ZNF585B: variants seen among roughly 807,000 people sequenced by gnomAD.
The protein encoded by ZNF585B is zinc finger protein 41-like protein.
A neutral mutation model predicts 14.0 loss-of-function variants in ZNF585B; 7 were observed. That is an observed-to-expected ratio of 0.50 (90% CI 0.28 to 0.94). ZNF585B has a LOEUF of 0.94. Among genes scored for constraint, ZNF585B ranks in the 40% least tolerant of loss-of-function variants. The probability of loss-of-function intolerance (pLI) is 0.09; values close to 1 mark genes in which losing one functional copy is unlikely to be tolerated. For missense variants in ZNF585B, 750 were observed against 924.4 expected (o/e 0.81, Z 2.45); for synonymous variants, 290 against 317.3 (o/e 0.91, Z 0.91).
chr19:37,206,285 C>T (rs1972586338), intron 2 of ZNF585B, among the ~76,000 whole-genome samples: 1 of 151,684 alleles, frequency 6.6e-6, no homozygotes, highest in Admixed American at 6.6e-5. Context: ...AACCCCGTCT[C>T]TACTAAAAAT....
At chr19:37,196,352 A>T (rs1050988004) in intron 2 of ZNF585B, among the ~76,000 whole-genome samples, 21 of 152,348 alleles carry the variant, frequency 1.4e-4, no homozygotes, top group African/African-American at 4.1e-4. Context: ...AAAAAGTTTT[A>T]AAAAATATAC....
intron 2 of ZNF585B, chr19:37,198,935 C>A: frequency 6.9e-7 from 1 of 1,443,756 alleles, no homozygotes. Context: ...TTTTTGAAAG[C>A]TACCTTGTTG....
At position 37,183,511 on chromosome 19, in the gene ZNF585B, G is replaced by T. The variant is rs1473494016; in HGVS notation, c.*1716C>A. 3 of 152,212 alleles carry T rather than the reference G, an allele frequency of 2.0e-5. No individual in the cohort carries two copies. The highest frequency in any genetic ancestry group is 6.5e-5 in the Admixed American group (1 of 15,268). The allele number at this position is 152,212 out of a possible 1,614,324, so 9.4% of individuals were successfully genotyped here. A position where few individuals can be genotyped will look rare whatever the true frequency, so the allele number is the denominator to read the frequency against. On this transcript the variant is annotated 3_prime_UTR_variant, in exon 5 of 5. Coordinates refer to ENST00000532828, the MANE Select transcript of ZNF585B (RefSeq NM_152279.4). ...GGAAAATACACCAGGCAGCATGGTG[G>T]AAATTGCTAGGGAGAAGAATAAAGG...
At chr19:37,194,260 A>C (rs1972435669) in intron 2 of ZNF585B, among the ~76,000 whole-genome samples, 1 of 152,176 alleles carries the variant, frequency 6.6e-6, no homozygotes, top group Non-Finnish European at 1.5e-5. Flanking sequence ...CCAAATAAAA[A>C]ATCTAATTTG....
chr19:37,193,495 A>G lies in ZNF585B; in HGVS notation c.73-3345T>C, dbSNP rs371595743. Among the ~76,000 whole-genome samples the G allele has an allele frequency of 2.1e-4, 31 of 150,714 alleles. No homozygotes were observed. The East Asian group carries it at 5.7e-3, about 28-fold the overall frequency. Reference sequence around the variant, plus strand: ...CAAAAAAAAAAAAAAAAAGAGAACTAAGGCCAGGGCAGGGGCTCACGCCTA... The same window carrying G: ...CAAAAAAAAAAAAAAAAAGAGAACTGAGGCCAGGGCAGGGGCTCACGCCTA... On this transcript the variant is annotated intron_variant, in intron 2 of 4. Transcript: ENST00000532828.
Position 37,185,510 on chromosome 19 carries a change from T to G in ZNF585B, c.2027A>C (p.Glu676Ala), listed in dbSNP as rs1972322911. The G allele has an allele frequency of 6.2e-7, 1 of 1,612,828 alleles. No homozygotes were observed. Among genetic ancestry groups the G allele is most frequent in the Admixed American group, 1.7e-5 (1 of 59,896 alleles). The change falls in exon 5 of 5, where the codon GAG becomes GCG. Residue 676 changes from glutamate (E) to alanine (A), a missense_variant. Physicochemically the swap from Glu to Ala is moderately radical, Grantham distance 107 (BLOSUM62 -1). Around this residue, in one of 2 missense-constraint regions of ZNF585B, gnomAD observed 233 missense variants for 354.1 expected, o/e 0.66. Coordinates refer to ENST00000532828, the MANE Select transcript of ZNF585B (RefSeq NM_152279.4). ...ECGKTFRQKSELITHHRIHTG... is the reference protein window; with the variant it reads ...ECGKTFRQKSALITHHRIHTG... Reference sequence around the variant, plus strand: ...ATGAATTCTGTGATGTGTAATCAACTCTGACTTCTGTCGAAAGGTCTTCCC... The same window carrying G: ...ATGAATTCTGTGATGTGTAATCAACGCTGACTTCTGTCGAAAGGTCTTCCC...
intron 2 of ZNF585B, among the ~76,000 whole-genome samples, chr19:37,193,150 C>CA (rs888624270): frequency 1.8e-4 from 26 of 147,720 alleles, no homozygotes; most frequent in Middle Eastern, 3.6e-3. Flanking sequence ...CAAAACAAAA[C>CA]AAAAAAAAAC....
At chr19:37,189,184 C>A (rs1172487927) in intron 4 of ZNF585B, among the ~76,000 whole-genome samples, 3 of 152,036 alleles carry the variant, frequency 2.0e-5, no homozygotes, top group Non-Finnish European at 4.4e-5. Context: ...GAGATACACC[C>A]ACCTTGGCCT....
chr19:37,192,068 T>C lies in ZNF585B; in HGVS notation c.73-1918A>G, dbSNP rs151031736. 7.7e-3 allele frequency among the ~76,000 whole-genome samples: 1,178 copies of C among 152,162 alleles called. 21 individuals carry two copies. The highest frequency in any genetic ancestry group is 0.027 in the African/African-American group (1,132 of 41,518). On this transcript the variant is annotated intron_variant, in intron 2 of 4. Coordinates refer to ENST00000532828, the MANE Select transcript of ZNF585B (RefSeq NM_152279.4). ...AAGAAAGAAATAGGCTGCCTTTTAG[T>C]CTTCTAGCACATGGATGAACAACCT...
Position 37,186,259 on chromosome 19 carries a change from A to C in ZNF585B, c.1278T>G (p.Ile426Met). 4 of 1,614,202 alleles carry C rather than the reference A, an allele frequency of 2.5e-6. No homozygotes were observed. Among genetic ancestry groups the C allele is most frequent in the Non-Finnish European group, 3.4e-6 (4 of 1,180,028 alleles). The change falls in exon 5 of 5, where the codon ATT (isoleucine) becomes ATG (methionine). Residue 426 changes from isoleucine to methionine, a missense_variant. Physicochemically the swap from Ile to Met is conservative, Grantham distance 10. This residue lies in a region of ZNF585B where 517 missense variants were observed against 570.3 expected (regional missense o/e 0.91). Transcript: ENST00000532828. ...GLAFIRKAHL[I>M]THQIIHTGEK... ...CTCCAGTATGAATTATTTGATGTGTAATCAAGTGTGCCTTCCGGATGAAGG... is the reference window on the plus strand; with the variant it reads ...CTCCAGTATGAATTATTTGATGTGTCATCAAGTGTGCCTTCCGGATGAAGG...
At chr19:37,197,627 T>A (rs1972481494) in intron 2 of ZNF585B, among the ~76,000 whole-genome samples, 1 of 152,178 alleles carries the variant, frequency 6.6e-6, no homozygotes, top group African/African-American at 2.4e-5. Context: ...TTTCTCCACA[T>A]CCTCTCCAGC....
chr19:37,203,123 C>T (rs1216478636), intron 2 of ZNF585B, among the ~76,000 whole-genome samples: 2 of 151,948 alleles, frequency 1.3e-5, no homozygotes, highest in Non-Finnish European at 2.9e-5. Flanking sequence ...ATTTTTTGTT[C>T]TCTGTGACTC....
At chr19:37,201,172 A>C (rs1349709883) in intron 2 of ZNF585B, among the ~76,000 whole-genome samples, 1 of 152,040 alleles carries the variant, frequency 6.6e-6, no homozygotes, top group Non-Finnish European at 1.5e-5. Context: ...TAAAAGGAGG[A>C]GCAAAGGCCT....
chr19:37,186,658 A>C lies in ZNF585B; in HGVS notation c.879T>G (p.Ser293Arg), dbSNP rs1356632546. Residue 293 changes from serine to arginine, a missense_variant, in exon 5 of 5, where the codon AGT becomes AGG. By Grantham distance (110) the Ser-to-Arg change is moderately radical. Coordinates refer to ENST00000532828, the MANE Select transcript of ZNF585B (RefSeq NM_152279.4). ...TATTGCATTCATATGGTTTTTCTCCACTATGAATTCTTCGGTGTGCAATCA... is the reference window on the plus strand; with the variant it reads ...TATTGCATTCATATGGTTTTTCTCCCCTATGAATTCTTCGGTGTGCAATCA... ...TQLIAHRRIH[S>R]GEKPYECNNC... 5 of 1,614,078 alleles carry C rather than the reference A, an allele frequency of 3.1e-6. No homozygotes were observed. The African/African-American group carries it at 5.3e-5, about 17-fold the overall frequency.
intron 2 of ZNF585B, among the ~76,000 whole-genome samples, chr19:37,191,806 G>T (rs957666283): frequency 2.0e-5 from 3 of 152,032 alleles, no homozygotes; most frequent in African/African-American, 7.2e-5. Context: ...CGCCGAGGTA[G>T]GTGGATCACG....
At chr19:37,192,494 G>A (rs1224608988) in intron 2 of ZNF585B, among the ~76,000 whole-genome samples, 6 of 144,322 alleles carry the variant, frequency 4.2e-5, no homozygotes, top group East Asian at 2.0e-4. Context: ...GTGACAGAGC[G>A]AGAACCTGTC....
At chr19:37,199,116 A>G (rs1972503947) in intron 2 of ZNF585B, 1 of 864,932 alleles carries the variant, frequency 1.2e-6, no homozygotes, top group Non-Finnish European at 1.8e-6. Flanking sequence ...GTCACACCCT[A>G]CACACACCAA....
At chr19:37,210,122 G>A (rs1227698543) in intron 1 of ZNF585B, among the ~76,000 whole-genome samples, 1 of 152,068 alleles carries the variant, frequency 6.6e-6, no homozygotes, top group African/African-American at 2.4e-5. Flanking sequence ...ATCAAAACTT[G>A]TTAATCTTTA....
At chr19:37,209,000 A>G (rs1203976475) in intron 1 of ZNF585B, among the ~76,000 whole-genome samples, 1 of 152,146 alleles carries the variant, frequency 6.6e-6, no homozygotes, top group Non-Finnish European at 1.5e-5. Context: ...TCAAAAAAAA[A>G]AGTGACAACA....
Sources: gnomAD v4.1 joint callset for allele counts (sites outside exome capture counted in the v4.1 genomes callset) on GRCh38, gnomAD v4.1.1 for gene constraint, gnomAD v4.1.1 regional missense constraint, MANE v1.5 for transcripts, NCBI Gene and HGNC (gene_info 2026-07-23, HGNC 2026-07-21) for gene names.